PDIA3: variants seen among roughly 807,000 people sequenced by gnomAD.
PDIA3 encodes the protein protein disulfide isomerase family A member 3.
In PDIA3, 16 loss-of-function variants were observed where a neutral mutation model predicts 56.9. The observed-to-expected ratio is 0.28, with a 90% confidence interval of 0.19 to 0.43. The LOEUF is 0.43. Ranked by LOEUF, PDIA3 falls within the 20% of genes least tolerant of loss-of-function variation. PDIA3 has a pLI of 1.00. For missense variants in PDIA3, 485 were observed against 621.3 expected (o/e 0.78, Z 2.33); for synonymous variants, 192 against 216.5 (o/e 0.89, Z 0.99).
intron 5 of PDIA3, among the ~76,000 whole-genome samples, chr15:43,764,719 C>T (rs916469345): frequency 4.6e-5 from 7 of 152,120 alleles, no homozygotes; most frequent in South Asian, 2.1e-4. Context: ...CTGTCTGCCT[C>T]GGGCTCCCAA....
intron 12 of PDIA3, 56 bp from the exon 13 acceptor site, chr15:43,771,049 G>A: frequency 8.9e-7 from 1 of 1,128,058 alleles, no homozygotes; most frequent in Non-Finnish European, 1.3e-6. Context: ...GTTTGGGTGG[G>A]GCAGATCAGG....
intron 1 of PDIA3, among the ~76,000 whole-genome samples, chr15:43,749,030 C>A (rs897537941): frequency 6.6e-6 from 1 of 152,060 alleles, no homozygotes; most frequent in Non-Finnish European, 1.5e-5. Flanking sequence ...CTTGGCCTCC[C>A]AAAATGCTGG....
At chr15:43,756,535 C>A in intron 2 of PDIA3, 114 bp from the exon 3 acceptor site, 1 of 695,732 alleles carries the variant, frequency 1.4e-6, no homozygotes, top group Non-Finnish European at 2.6e-6. Context: ...GGCATATATG[C>A]CAAGAATTCC....
intron 1 of PDIA3, among the ~76,000 whole-genome samples, chr15:43,748,905 A>C (rs2086725412): frequency 6.6e-6 from 1 of 151,214 alleles, no homozygotes; most frequent in Non-Finnish European, 1.5e-5. Context: ...AGTAGCTGGG[A>C]TTACAGGTGC....
rs1216970646 is a variant in PDIA3, at chr15:43,772,736, T to C, written c.*1518T>C. 1 of 162,382 alleles carries C rather than the reference T, an allele frequency of 6.2e-6. No individual in the cohort carries two copies. The highest frequency in any genetic ancestry group is 1.3e-5 in the Non-Finnish European group (1 of 75,044). The allele number at this position is 162,382 out of a possible 1,614,324, so 10.1% of individuals were successfully genotyped here. A position where few individuals can be genotyped will look rare whatever the true frequency, so the allele number is the denominator to read the frequency against. The stretch of plus-strand genomic sequence containing the variant: ...TTCTTTTAACTCTTATCAGAAGTTA[T>C]TATTACTGTTTCCTTAGAGAGGCTA... On this transcript the variant is annotated 3_prime_UTR_variant, in exon 13 of 13. Coordinates refer to ENST00000300289, the MANE Select transcript of PDIA3 (RefSeq NM_005313.5).
chr15:43,753,784 G>A (rs780544431), intron 1 of PDIA3, 40 bp from the exon 2 acceptor site: 1 of 1,339,312 alleles, frequency 7.5e-7, no homozygotes, highest in Non-Finnish European at 1.1e-6. Flanking sequence ...CAAATTCATA[G>A]GACTAAACTG....
At chr15:43,755,663 C>A (rs1403468392) in intron 2 of PDIA3, among the ~76,000 whole-genome samples, 2 of 152,176 alleles carry the variant, frequency 1.3e-5, no homozygotes, top group African/African-American at 4.8e-5. Flanking sequence ...CCTGTAATCC[C>A]AGCACTTTGG....
At chr15:43,754,342 C>T (rs1380670684) in intron 2 of PDIA3, among the ~76,000 whole-genome samples, 3 of 144,566 alleles carry the variant, frequency 2.1e-5, no homozygotes, top group African/African-American at 7.8e-5. Context: ...TTCAGTGAGC[C>T]GAGATCGGGC....
intron 10 of PDIA3, among the ~76,000 whole-genome samples, chr15:43,769,974 T>A (rs1187643816): frequency 6.6e-6 from 1 of 152,180 alleles, no homozygotes; most frequent in Non-Finnish European, 1.5e-5. Flanking sequence ...AATGTCTTAT[T>A]CAGACCAGGT....
rs866514963 is a variant in PDIA3 at position 43,763,444 on chromosome 15, G to T, written c.602+238G>T. On this transcript the variant is annotated intron_variant, in intron 5 of 12. Transcript: ENST00000300289. Reference sequence around the variant, plus strand: ...ATTTTTGTATTTTTAGTAGAGACAGGGTTTCACCATGTTGCCCAGGCTGGT... The same window carrying T: ...ATTTTTGTATTTTTAGTAGAGACAGTGTTTCACCATGTTGCCCAGGCTGGT... Among the ~76,000 whole-genome samples the T allele has an allele frequency of 6.6e-5, 10 of 152,286 alleles. 2 individuals carry two copies. The South Asian group carries it at 1.9e-3, about 28-fold the overall frequency.
Position 43,770,339 on chromosome 15 carries a change from T to A in PDIA3, c.1346+10T>A, listed in dbSNP as rs774528764. ...CATATGAAGTCAGAGGGTAAGTGGC[T>A]TAAAACTTAACAAAAGTGTCTAGGC... On this transcript the variant is annotated intron_variant, in intron 11 of 12. Coordinates refer to ENST00000300289, the MANE Select transcript of PDIA3 (RefSeq NM_005313.5). 1.2e-6 allele frequency: 2 copies of A among 1,608,698 alleles called. No individual in the cohort carries two copies. Among genetic ancestry groups the A allele is most frequent in the East Asian group, 4.5e-5 (2 of 44,838 alleles).
Position 43,771,094 on chromosome 15 carries a change from T to C in PDIA3, c.1405-11T>C. On this transcript the variant is annotated splice_polypyrimidine_tract_variant and intron_variant, in intron 12 of 12. Transcript: ENST00000300289. ...AAAGTTACACTTTTAAGCTGATCTT[T>C]CTGTTTTCAGGGTGGCCGTGAATTA... is the stretch of plus-strand genomic sequence containing the variant. 1 of 1,581,660 alleles carries C rather than the reference T, an allele frequency of 6.3e-7. No individual in the cohort carries two copies. The highest frequency in any genetic ancestry group is 8.7e-7 in the Non-Finnish European group (1 of 1,152,214).
At chr15:43,761,688 T>C (rs1047145095) in intron 4 of PDIA3, among the ~76,000 whole-genome samples, 157 bp downstream of exon 4, 3 of 152,200 alleles carry the variant, frequency 2.0e-5, no homozygotes, top group African/African-American at 7.2e-5. Flanking sequence ...TATAATGTAC[T>C]ATATAGTACA....
intron 2 of PDIA3, among the ~76,000 whole-genome samples, chr15:43,754,628 CAGG>C (rs1567155889): frequency 6.6e-6 from 1 of 151,196 alleles, no homozygotes; most frequent in Non-Finnish European, 1.5e-5. Context: ...AAGGCTGAAG[CAGG>C]AGGATTGCTT....
In PDIA3 at chr15:43,746,649, G is replaced by C. The variant is rs754835551; in HGVS notation, c.110G>C (p.Ser37Thr). The C allele has an allele frequency of 1.2e-6, 2 of 1,612,986 alleles. No homozygotes were observed. Among genetic ancestry groups the C allele is most frequent in the South Asian group, 1.1e-5 (1 of 91,088 alleles). Residue 37 changes from serine (S) to threonine (T), a missense_variant, in exon 1 of 13, where the codon AGT becomes ACT. Physicochemically the swap from Ser to Thr is moderately conservative, Grantham distance 58. Transcript: ENST00000300289. ...GAACTCACGGACGACAACTTCGAGA[G>C]TCGCATCTCCGACACGGGCTCTGCG... ...VLELTDDNFE[S>T]RISDTGSAGL...
chr15:43,749,500 A>G (rs2086729925), intron 1 of PDIA3, among the ~76,000 whole-genome samples: 2 of 152,202 alleles, frequency 1.3e-5, no homozygotes, highest in South Asian at 4.1e-4. Flanking sequence ...ATCCTTAGTA[A>G]GAGTAAAATG....
intron 1 of PDIA3, among the ~76,000 whole-genome samples, chr15:43,753,202 C>T (rs139793186): frequency 6.6e-5 from 10 of 152,086 alleles, no homozygotes; most frequent in African/African-American, 1.7e-4. Context: ...CTCAGCCTCC[C>T]GATTAGCTTT....
intron 2 of PDIA3, among the ~76,000 whole-genome samples, chr15:43,755,807 G>A (rs1025216820): frequency 6.6e-6 from 1 of 151,964 alleles, no homozygotes; most frequent in Non-Finnish European, 1.5e-5. Flanking sequence ...CCAGCTACTC[G>A]GGAGGCTGAG....
chr15:43,758,203 C>T (rs1014968877), intron 3 of PDIA3, among the ~76,000 whole-genome samples: 1 of 151,962 alleles, frequency 6.6e-6, no homozygotes, highest in African/African-American at 2.4e-5. Context: ...TGCCATTGTA[C>T]TCCAGCCTGG....
Sources: gnomAD v4.1 joint callset for allele counts (sites outside exome capture counted in the v4.1 genomes callset) on GRCh38, gnomAD v4.1.1 for gene constraint, MANE v1.5 for transcripts, NCBI Gene and HGNC (gene_info 2026-07-23, HGNC 2026-07-21) for gene names.